GPATCH2: variants seen among roughly 807,000 people sequenced by gnomAD.
GPATCH2 encodes G patch domain-containing protein 2.
A neutral mutation model predicts 58.0 loss-of-function variants in GPATCH2; 51 were observed. The ratio of observed to expected loss-of-function variants is 0.88; its 90% CI spans 0.70 to 1.11. The LOEUF (loss-of-function observed/expected upper bound fraction) is 1.11. Ranked by LOEUF, GPATCH2 falls within the 50% of genes most tolerant of loss-of-function variation. The pLI, the probability that GPATCH2 is intolerant of heterozygous loss-of-function variation, is 0.00. For synonymous variants in GPATCH2, 222 were observed against 218.5 expected, an observed-to-expected ratio of 1.02 and a Z score of -0.14; for missense variants, 625 against 652.2, an observed-to-expected ratio of 0.96 and a Z score of 0.45.
rs563279727 is a variant in GPATCH2 at position 217,476,539 on chromosome 1, G to T, written c.1277+15141C>A. ...CCTACCCTGTCCCCCAGCACTGGTG[G>T]TGTAGTATGAAAGCACGTCTATGCT... On this transcript the variant is annotated intron_variant, in intron 8 of 9. Coordinates refer to ENST00000366935, the MANE Select transcript of GPATCH2 (RefSeq NM_018040.5). 3.9e-5 allele frequency among the ~76,000 whole-genome samples: 6 copies of T among 152,274 alleles called. No homozygotes were observed. In the South Asian group the frequency reaches 1.2e-3, roughly 32 times the overall value.
At chr1:217,446,337 C>T (rs895797025) in intron 9 of GPATCH2, among the ~76,000 whole-genome samples, 1 of 152,054 alleles carries the variant, frequency 6.6e-6, no homozygotes, top group Non-Finnish European at 1.5e-5. Context: ...ATAACTAACT[C>T]TTTATTATGT....
intron 8 of GPATCH2, among the ~76,000 whole-genome samples, chr1:217,465,367 A>G (rs1301777842): frequency 6.6e-6 from 1 of 152,238 alleles, no homozygotes. Context: ...AACAAAGTCA[A>G]AGCAACAAAA....
intron 5 of GPATCH2, among the ~76,000 whole-genome samples, chr1:217,592,768 A>G (rs192277211): frequency 1.3e-5 from 2 of 152,042 alleles, no homozygotes; most frequent in Admixed American, 1.3e-4. Context: ...AGACATAGAG[A>G]TAGAATATAG....
rs1417155282 is a variant in GPATCH2, at chr1:217,429,961, GATA to G, written c.*1181_*1183del. The G allele has an allele frequency of 4.0e-5, 5 of 123,868 alleles. No homozygotes were observed. The highest frequency in any genetic ancestry group is 8.8e-5 in the Non-Finnish European group (5 of 57,004). The allele number at this position is 123,868 out of a possible 1,614,324, so 7.7% of individuals were successfully genotyped here. A position where few individuals can be genotyped will look rare whatever the true frequency, so the allele number is the denominator to read the frequency against. ...CAGCAAAGGCCATTATAAATAGAATGATAATAATCATCATCATAATAAGTTGTT... is the reference window on the plus strand; with the variant it reads ...CAGCAAAGGCCATTATAAATAGAATGATAATCATCATCATAATAAGTTGTT... On this transcript the variant is annotated 3_prime_UTR_variant, in exon 10 of 10. Coordinates refer to ENST00000366935, the MANE Select transcript of GPATCH2 (RefSeq NM_018040.5).
At chr1:217,516,784 T>C (rs996682033) in intron 5 of GPATCH2, among the ~76,000 whole-genome samples, 1 of 152,194 alleles carries the variant, frequency 6.6e-6, no homozygotes, top group Non-Finnish European at 1.5e-5. Context: ...ATCAGAAAAC[T>C]AAACTTTTTA....
At chr1:217,484,368 G>A (rs1024048522) in intron 8 of GPATCH2, among the ~76,000 whole-genome samples, 4 of 151,796 alleles carry the variant, frequency 2.6e-5, no homozygotes, top group Admixed American at 2.0e-4. Context: ...TGGGTCTCGA[G>A]TCTGTCGACT....
intron 5 of GPATCH2, among the ~76,000 whole-genome samples, chr1:217,547,327 C>A (rs1346523791): frequency 1.3e-5 from 2 of 150,504 alleles, no homozygotes; most frequent in Admixed American, 6.7e-5. Context: ...CGCGCCACTG[C>A]ACTCCAGCCT....
intron 5 of GPATCH2, among the ~76,000 whole-genome samples, chr1:217,599,216 G>A (rs948718331): frequency 1.3e-5 from 2 of 152,124 alleles, no homozygotes; most frequent in African/African-American, 2.4e-5. Flanking sequence ...GAACAAATCC[G>A]AATTTTATTA....
At chr1:217,616,977 C>T (rs1191718263) in intron 2 of GPATCH2, among the ~76,000 whole-genome samples, 2 of 151,976 alleles carry the variant, frequency 1.3e-5, no homozygotes, top group Non-Finnish European at 2.9e-5. Flanking sequence ...GCTATCATAT[C>T]GTAATTCACT....
intron 8 of GPATCH2, among the ~76,000 whole-genome samples, chr1:217,457,706 C>T (rs368560932): frequency 1.1e-4 from 17 of 152,284 alleles, no homozygotes; most frequent in Middle Eastern, 3.4e-3. Context: ...TTGAAAAAAT[C>T]ATGTAGGCAT....
intron 5 of GPATCH2, among the ~76,000 whole-genome samples, chr1:217,563,316 C>T (rs1198509962): frequency 1.3e-5 from 2 of 152,110 alleles, no homozygotes; most frequent in East Asian, 3.9e-4. Flanking sequence ...AGTTATACTG[C>T]TCAACCCTTC....
rs997852937 is a variant in GPATCH2, at chr1:217,475,601, G to A, written c.1277+16079C>T. ...AGAAAATACTACATAAAAGAAAAGT[G>A]TAAAAAGTTAGAGGATCATTTAAGG... On this transcript the variant is annotated intron_variant, in intron 8 of 9. Transcript: ENST00000366935. Among the ~76,000 whole-genome samples the A allele has an allele frequency of 3.3e-5, 5 of 152,066 alleles. No individual in the cohort carries two copies. The East Asian group carries it at 9.6e-4, about 29-fold the overall frequency.
At position 217,611,011 on chromosome 1, in the gene GPATCH2, G is replaced by T; in HGVS notation, c.896C>A (p.Thr299Asn). The T allele has an allele frequency of 6.2e-7, 1 of 1,613,478 alleles. No homozygotes were observed. The highest frequency in any genetic ancestry group is 8.5e-7 in the Non-Finnish European group (1 of 1,179,662). ...CTTTTCCCACCAGGGCACAACTCCA[G>T]TGATACCACATGCTCCACCTGATTC... is the stretch of plus-strand genomic sequence containing the variant. ...EKESGGACGI[T>N]GVVPWWEKED... The change falls in exon 4 of 10, where the codon ACT (threonine) becomes AAT (asparagine). Residue 299 changes from threonine (T) to asparagine (N), a missense_variant. Physicochemically the swap from Thr to Asn is moderately conservative, Grantham distance 65. Transcript: ENST00000366935.
At chr1:217,491,036 C>T (rs768099656) in intron 8 of GPATCH2, among the ~76,000 whole-genome samples, 58 of 152,162 alleles carry the variant, frequency 3.8e-4, no homozygotes, top group Non-Finnish European at 7.2e-4. Context: ...ATGGTGGCTG[C>T]TGAGGTCAGT....
intron 5 of GPATCH2, among the ~76,000 whole-genome samples, chr1:217,528,025 A>C (rs188557694): frequency 3.9e-4 from 60 of 152,314 alleles, no homozygotes; most frequent in Middle Eastern, 3.4e-3. Flanking sequence ...ACTTATGCTG[A>C]GTGTTAGAGC....
At chr1:217,559,767 C>T (rs1447752090) in intron 5 of GPATCH2, among the ~76,000 whole-genome samples, 1 of 152,030 alleles carries the variant, frequency 6.6e-6, no homozygotes, top group Non-Finnish European at 1.5e-5. Context: ...TAAAGACAGA[C>T]ACCACAACAA....
chr1:217,549,297 T>C (rs917884961), intron 5 of GPATCH2, among the ~76,000 whole-genome samples: 1 of 152,208 alleles, frequency 6.6e-6, no homozygotes, highest in Non-Finnish European at 1.5e-5. Flanking sequence ...TTAAGTTAAT[T>C]ATAAACTTAT....
At chr1:217,593,241 A>T (rs1667672497) in intron 5 of GPATCH2, among the ~76,000 whole-genome samples, 1 of 152,040 alleles carries the variant, frequency 6.6e-6, no homozygotes, top group Non-Finnish European at 1.5e-5. Context: ...GCACAAATGT[A>T]TCAAAAACCA....
intron 8 of GPATCH2, among the ~76,000 whole-genome samples, chr1:217,457,659 T>C (rs987072064): frequency 2.6e-5 from 4 of 152,118 alleles, no homozygotes; most frequent in African/African-American, 9.7e-5. Flanking sequence ...ATCTGAAAAT[T>C]GCCATTATGC....
Sources: gnomAD v4.1 joint callset for allele counts (sites outside exome capture counted in the v4.1 genomes callset) on GRCh38, gnomAD v4.1.1 for gene constraint, MANE v1.5 for transcripts, NCBI Gene and HGNC (gene_info 2026-07-23, HGNC 2026-07-21) for gene names.